Variants in ADARB2 observed in about 807,000 individuals in gnomAD.
The protein encoded by ADARB2 is adenosine deaminase RNA specific B2 (inactive).
ADARB2 carries 25 observed loss-of-function variants against 62.2 expected under a neutral mutation model. The observed-to-expected ratio is 0.40, with a 90% confidence interval of 0.29 to 0.56. The LOEUF is 0.56. Among genes scored for constraint, ADARB2 ranks in the 20% least tolerant of loss-of-function variants. The pLI is 0.43. For missense variants in ADARB2, 1,071 were observed against 1,077.4 expected (o/e 0.99, Z 0.08); for synonymous variants, 572 against 500.8 (o/e 1.14, Z -1.90).
At chr10:1,567,902 C>T (rs1832878418) in intron 1 of ADARB2, among the ~76,000 whole-genome samples, 1 of 152,202 alleles carries the variant, frequency 6.6e-6, no homozygotes, top group Non-Finnish European at 1.5e-5. Context: ...ATCCTGACTC[C>T]TCGGAGTGCC....
chr10:1,432,177 G>A (rs1564287612), intron 1 of ADARB2, among the ~76,000 whole-genome samples: 1 of 151,876 alleles, frequency 6.6e-6, no homozygotes, highest in Admixed American at 6.6e-5. Flanking sequence ...ACACCTCATG[G>A]AAAATGCAGA....
At chr10:1,293,203 AGAGG>A (rs199935369) in intron 3 of ADARB2, among the ~76,000 whole-genome samples, 5,148 of 49,722 alleles carry the variant, frequency 0.1, 504 homozygotes, top group African/African-American at 0.27. Flanking sequence ...AATAGAAAAA[AGAGG>A]GAGGGAGGGA....
chr10:1,590,831 CA>C (rs1442411966), intron 1 of ADARB2, among the ~76,000 whole-genome samples: 1 of 152,104 alleles, frequency 6.6e-6, no homozygotes, highest in Admixed American at 6.5e-5. Flanking sequence ...TGATGCTCAG[CA>C]CGGGAAACGC....
intron 6 of ADARB2, among the ~76,000 whole-genome samples, chr10:1,219,252 T>C (rs1289713299): frequency 6.6e-6 from 1 of 152,160 alleles, no homozygotes; most frequent in African/African-American, 2.4e-5. Context: ...CAGTCTCAGG[T>C]GTTTCTCTAG....
chr10:1,591,836 T>A (rs547997002), intron 1 of ADARB2, among the ~76,000 whole-genome samples: 11 of 152,204 alleles, frequency 7.2e-5, no homozygotes, highest in Non-Finnish European at 1.5e-4. Flanking sequence ...TATTCAGCAA[T>A]CTCTGTGTAG....
At chr10:1,571,627 C>G (rs571494095) in intron 1 of ADARB2, among the ~76,000 whole-genome samples, 1 of 152,058 alleles carries the variant, frequency 6.6e-6, no homozygotes, top group Non-Finnish European at 1.5e-5. Flanking sequence ...AGAGTGCAGG[C>G]GAGCAGGCAG....
At chr10:1,490,013 A>G (rs528119414) in intron 1 of ADARB2, among the ~76,000 whole-genome samples, 1 of 152,354 alleles carries the variant, frequency 6.6e-6, no homozygotes, top group South Asian at 2.1e-4. Flanking sequence ...CTTGCAGCTG[A>G]CTGACAATTT....
At chr10:1,703,002 A>G (rs1275638941) in intron 1 of ADARB2, among the ~76,000 whole-genome samples, 1 of 152,252 alleles carries the variant, frequency 6.6e-6, no homozygotes, top group Non-Finnish European at 1.5e-5. Flanking sequence ...ATGAATCTTC[A>G]GTAATTGTAT....
intron 1 of ADARB2, among the ~76,000 whole-genome samples, chr10:1,629,376 T>C (rs1833814330): frequency 6.6e-6 from 1 of 152,102 alleles, no homozygotes. Flanking sequence ...CTCATCGTGA[T>C]GGTCAGGACT....
intron 2 of ADARB2, among the ~76,000 whole-genome samples, chr10:1,373,349 C>T (rs898089867): frequency 1.3e-4 from 20 of 152,102 alleles, no homozygotes; most frequent in South Asian, 8.3e-4. Flanking sequence ...CACACACACG[C>T]GCGTCTTGTT....
At chr10:1,365,660 C>T (rs1038150341) in intron 2 of ADARB2, among the ~76,000 whole-genome samples, 2 of 152,140 alleles carry the variant, frequency 1.3e-5, no homozygotes, top group African/African-American at 2.4e-5. Flanking sequence ...TACCATAGGT[C>T]GGTGGTCAGG....
chr10:1,235,150 C>G (rs1346566024), intron 5 of ADARB2, among the ~76,000 whole-genome samples: 1 of 150,866 alleles, frequency 6.6e-6, no homozygotes, highest in Non-Finnish European at 1.5e-5. Context: ...TGCTCATGGC[C>G]ATACCTCACA....
At chr10:1,245,268 T>G (rs1198785659) in intron 4 of ADARB2, among the ~76,000 whole-genome samples, 1 of 152,222 alleles carries the variant, frequency 6.6e-6, no homozygotes, top group Non-Finnish European at 1.5e-5. Flanking sequence ...GAAAATGTGC[T>G]TGAGTACCAC....
intron 1 of ADARB2, among the ~76,000 whole-genome samples, chr10:1,554,552 G>T (rs1421845379): frequency 1.3e-5 from 2 of 151,922 alleles, no homozygotes; most frequent in Non-Finnish European, 2.9e-5. Context: ...TCCCCCGGGG[G>T]AGGTGACTTC....
intron 1 of ADARB2, among the ~76,000 whole-genome samples, chr10:1,646,944 G>A (rs914014436): frequency 6.6e-6 from 1 of 152,238 alleles, no homozygotes; most frequent in African/African-American, 2.4e-5. Flanking sequence ...TAGAAATAAG[G>A]TGGCTGTCAG....
At chr10:1,673,761 C>T (rs539065949) in intron 1 of ADARB2, among the ~76,000 whole-genome samples, 1 of 152,326 alleles carries the variant, frequency 6.6e-6, no homozygotes, top group African/African-American at 2.4e-5. Flanking sequence ...TGAGGCCGTG[C>T]AGCCACTGCC....
At chr10:1,645,776 C>T (rs911919876) in intron 1 of ADARB2, among the ~76,000 whole-genome samples, 2 of 141,188 alleles carry the variant, frequency 1.4e-5, no homozygotes, top group Admixed American at 7.0e-5. Context: ...TCTGCCTCTC[C>T]TCCTGGAGTT....
At chr10:1,230,174 G>T (rs1830790683) in intron 6 of ADARB2, among the ~76,000 whole-genome samples, 1 of 152,210 alleles carries the variant, frequency 6.6e-6, no homozygotes, top group African/African-American at 2.4e-5. Context: ...TCTGCACTCT[G>T]CGGCCTCTGC....
chr10:1,210,823 G>A (rs1837140815), intron 7 of ADARB2, among the ~76,000 whole-genome samples: 1 of 152,220 alleles, frequency 6.6e-6, no homozygotes, highest in South Asian at 2.1e-4. Context: ...GGGGACAGTT[G>A]GAAGCAGCCC....
Sources: allele counts gnomAD v4.1 joint callset (sites outside exome capture counted in the v4.1 genomes callset), GRCh38; gene constraint gnomAD v4.1.1; transcripts MANE v1.5; gene names NCBI Gene and HGNC (gene_info 2026-07-23, HGNC 2026-07-21).